PPP1R9B: variants seen among roughly 807,000 people sequenced by gnomAD.
The protein encoded by PPP1R9B is protein phosphatase 1 regulatory subunit 9B.
A neutral mutation model predicts 75.8 loss-of-function variants in PPP1R9B; 17 were observed. That is an observed-to-expected ratio of 0.22 (90% CI 0.15 to 0.34). The LOEUF (loss-of-function observed/expected upper bound fraction) is 0.34. Ranked by LOEUF, PPP1R9B falls within the 10% of genes least tolerant of loss-of-function variation. PPP1R9B has a pLI of 1.00. For missense variants in PPP1R9B, 875 were observed against 1,196.0 expected (o/e 0.73, Z 3.96); for synonymous variants, 509 against 535.4 (o/e 0.95, Z 0.68).
intron 1 of PPP1R9B, among the ~76,000 whole-genome samples, chr17:50,147,478 G>A (rs1439140968): frequency 1.3e-5 from 2 of 152,238 alleles, no homozygotes; most frequent in African/African-American, 2.4e-5. Flanking sequence ...CGCCACACAC[G>A]CTGGCTCTCA....
At chr17:50,145,304 T>TGAGGAGGCC (rs1163774925) in intron 1 of PPP1R9B, 59 bp from the exon 2 acceptor site, 10 of 1,604,590 alleles carry the variant, frequency 6.2e-6, no homozygotes, top group Non-Finnish European at 7.6e-6. Flanking sequence ...AGAACTGGCA[T>TGAGGAGGCC]GAGGAGGCCG....
intron 3 of PPP1R9B, 72 bp from the exon 4 acceptor site, chr17:50,141,445 C>A (rs934523470): frequency 2.1e-6 from 2 of 952,216 alleles, no homozygotes; most frequent in Non-Finnish European, 3.1e-6. Flanking sequence ...CTCCTCCCAT[C>A]AGAAACTCCA....
chr17:50,150,074 G>T lies in PPP1R9B; in HGVS notation c.440C>A (p.Thr147Lys). 1 of 1,437,844 alleles carries T rather than the reference G, an allele frequency of 7.0e-7. No individual in the cohort carries two copies. The highest frequency in any genetic ancestry group is 2.4e-4 in the Middle Eastern group (1 of 4,146). The allele number at this position is 1,437,844 out of a possible 1,614,324, so 89.1% of individuals were successfully genotyped here. Residue 147 changes from threonine to lysine, a missense_variant, in exon 1 of 10, where the codon ACG becomes AAG. Thr to Lys is a moderately conservative substitution (Grantham distance 78, BLOSUM62 -1). Around this residue, in one of 4 missense-constraint regions of PPP1R9B, gnomAD observed 449 missense variants for 475.0 expected, o/e 0.95. Coordinates refer to ENST00000612501, the MANE Select transcript of PPP1R9B (RefSeq NM_032595.5). This position sits in a 1 kb window ranked among gnomAD's most constrained non-coding sequence, Gnocchi z 8.7. The part of the protein sequence containing the change: ...PPHPPSRLQE[T>K]RKLFERSAPA... Reference sequence around the variant, plus strand: ...GGCGCTCCGTTCGAACAGCTTCCGCGTCTCCTGCAGCCGGGACGGCGGGTG... The same window carrying T: ...GGCGCTCCGTTCGAACAGCTTCCGCTTCTCCTGCAGCCGGGACGGCGGGTG...
At position 50,135,213 on chromosome 17, in the gene PPP1R9B, G is replaced by T. The variant is rs570470998; in HGVS notation, c.*118C>A. On this transcript the variant is annotated 3_prime_UTR_variant, in exon 10 of 10. Coordinates refer to ENST00000612501, the MANE Select transcript of PPP1R9B (RefSeq NM_032595.5). Reference sequence around the variant, plus strand: ...GCTGGGGGAGGTGGGGTGGAGGGGTGGGGGGAGTCGGGGCACCTGTCCCCA... The same window carrying T: ...GCTGGGGGAGGTGGGGTGGAGGGGTTGGGGGAGTCGGGGCACCTGTCCCCA... 10 of 746,644 alleles carry T rather than the reference G, an allele frequency of 1.3e-5. No individual in the cohort carries two copies. Among genetic ancestry groups the T allele is most frequent in the South Asian group, 1.2e-4 (7 of 59,874 alleles). 46.3% of individuals were successfully genotyped at this position (746,644 alleles called of 1,614,324 possible).
chr17:50,139,947 T>C lies in PPP1R9B; in HGVS notation c.1866+146A>G, dbSNP rs1912325479. The C allele has an allele frequency of 1.1e-6, 1 of 923,480 alleles. No individual in the cohort carries two copies. Among genetic ancestry groups the C allele is most frequent in the Admixed American group, 2.8e-5 (1 of 35,378 alleles). 57.2% of individuals were successfully genotyped at this position (923,480 alleles called of 1,614,324 possible). A position where few individuals can be genotyped will look rare whatever the true frequency, so the allele number is the denominator to read the frequency against. On this transcript the variant is annotated intron_variant, in intron 5 of 9. Transcript: ENST00000612501. The surrounding 1 kb of genome is among the most constrained non-coding windows in gnomAD (Gnocchi z 5.0). ...GACTGTGTATTCCTTGTCCGGCCTCTGAAGACAAAGAGTGTGACTGGAGGA... is the reference window on the plus strand; with the variant it reads ...GACTGTGTATTCCTTGTCCGGCCTCCGAAGACAAAGAGTGTGACTGGAGGA...
At chr17:50,143,827 G>T in intron 2 of PPP1R9B, 109 bp from the exon 3 acceptor site, 1 of 1,454,094 alleles carries the variant, frequency 6.9e-7, no homozygotes, top group Non-Finnish European at 9.5e-7. Context: ...GTCCCCATTA[G>T]GGGATGTCCC....
intron 2 of PPP1R9B, among the ~76,000 whole-genome samples, 179 bp from the exon 3 acceptor site, chr17:50,143,897 C>A (rs975409937): frequency 6.6e-6 from 1 of 152,232 alleles, no homozygotes; most frequent in East Asian, 1.9e-4. Flanking sequence ...TAGGATGGCT[C>A]CTGAGCCGCT....
In PPP1R9B at chr17:50,149,935, G is replaced by A. The variant is rs367543199; in HGVS notation, c.579C>T (p.Thr193=). 3 of 1,512,366 alleles carry A rather than the reference G, an allele frequency of 2.0e-6. No individual in the cohort carries two copies. Among genetic ancestry groups the A allele is most frequent in the Admixed American group, 4.1e-5 (2 of 48,866 alleles). 93.7% of individuals were successfully genotyped at this position (1,512,366 alleles called of 1,614,324 possible). ...CAGCGTCCAGCTTGTCCAGCGCCTC[G>A]GTGCTGCCGTTGAAGCGCACCACGA... ...LDVVVRFNGS[T]EALDKLDADA... is the part of the protein sequence containing the mutation. Residue 193 remains threonine, a synonymous_variant, in exon 1 of 10, where the codon ACC becomes ACT. Transcript: ENST00000612501. This position sits in a 1 kb window ranked among gnomAD's most constrained non-coding sequence, Gnocchi z 7.2.
rs1598247007 is a variant in PPP1R9B at position 50,141,466 on chromosome 17, C to CATATGTACTCCCA, written c.1626-94_1626-93insTGGGAGTACATAT. The stretch of plus-strand genomic sequence containing the variant: ...CCATCAGAAACTCCAGGCTCCCCAG[C>CATATGTACTCCCA]CTGAGTACATAGTGAGAACTCATCT... On this transcript the variant is annotated intron_variant, in intron 3 of 9. Coordinates refer to ENST00000612501, the MANE Select transcript of PPP1R9B (RefSeq NM_032595.5). The CATATGTACTCCCA allele has an allele frequency of 6.7e-6, 5 of 748,496 alleles. No homozygotes were observed. The East Asian group carries it at 1.4e-4, about 21-fold the overall frequency. The allele number at this position is 748,496 out of a possible 1,614,324, so 46.4% of individuals were successfully genotyped here. A position where few individuals can be genotyped will look rare whatever the true frequency, so the allele number is the denominator to read the frequency against.
chr17:50,143,330 C>T (rs946316428), intron 3 of PPP1R9B, among the ~76,000 whole-genome samples: 1 of 152,232 alleles, frequency 6.6e-6, no homozygotes, highest in African/African-American at 2.4e-5. Context: ...GGATGCACAA[C>T]ACACGCCTAT....
At position 50,142,780 on chromosome 17, in the gene PPP1R9B, C is replaced by A. The variant is rs964953771; in HGVS notation, c.1625+818G>T. On this transcript the variant is annotated intron_variant, in intron 3 of 9. Transcript: ENST00000612501. The surrounding 1 kb of genome is among the most constrained non-coding windows in gnomAD (Gnocchi z 4.1). Reference sequence around the variant, plus strand: ...CAGCTCCAGGATGCCCTCCCTGAACCTTCTGTCCCACAGAACTCACCCCTT... The same window carrying A: ...CAGCTCCAGGATGCCCTCCCTGAACATTCTGTCCCACAGAACTCACCCCTT... Among the ~76,000 whole-genome samples, 2 of 152,176 alleles carry A rather than the reference C, an allele frequency of 1.3e-5. No individual in the cohort carries two copies. The highest frequency in any genetic ancestry group is 3.8e-4 in the East Asian group (2 of 5,202).
chr17:50,135,346 A>T lies in PPP1R9B; in HGVS notation c.2439T>A (p.Asn813Lys). 1 of 1,613,478 alleles carries T rather than the reference A, an allele frequency of 6.2e-7. No homozygotes were observed. Among genetic ancestry groups the T allele is most frequent in the Non-Finnish European group, 8.5e-7 (1 of 1,179,568 alleles). ...ELEGNLQTLR[N>K]SNST is the part of the protein sequence containing the mutation. The stretch of plus-strand genomic sequence containing the variant: ...ATGATTCCTGTTAAGTAGAATTGGA[A>T]TTCCTCAGTGTTTGCAAGTTTCCTT... The change falls in exon 10 of 10, where the codon AAT becomes AAA. Residue 813 changes from asparagine (N) to lysine (K), a missense_variant. Coordinates refer to ENST00000612501, the MANE Select transcript of PPP1R9B (RefSeq NM_032595.5).
Position 50,150,637 on chromosome 17 carries a change from TCC to T in PPP1R9B, c.-126_-125del. The T allele has an allele frequency of 1.0e-6, 1 of 967,204 alleles. No individual in the cohort carries two copies. Among genetic ancestry groups the T allele is most frequent in the Non-Finnish European group, 1.3e-6 (1 of 772,752 alleles). 59.9% of individuals were successfully genotyped at this position (967,204 alleles called of 1,614,324 possible). On this transcript the variant is annotated 5_prime_UTR_variant, in exon 1 of 10. Transcript: ENST00000612501. The surrounding 1 kb of genome is among the most constrained non-coding windows in gnomAD (Gnocchi z 8.7). ...GAAACCCCGAAGGCCTTTTTTAGGGTCCCCCCAAAACCAAGCTGCCAAAAACA... is the reference window on the plus strand; with the variant it reads ...GAAACCCCGAAGGCCTTTTTTAGGGTCCCCAAAACCAAGCTGCCAAAAACA...
At chr17:50,138,405 G>C (rs945185992) in intron 7 of PPP1R9B, among the ~76,000 whole-genome samples, 1 of 152,114 alleles carries the variant, frequency 6.6e-6, no homozygotes, top group Non-Finnish European at 1.5e-5. Flanking sequence ...TTGTCTCTGT[G>C]ACTGTGTCTG....
rs1252262288 is a variant in PPP1R9B, at chr17:50,149,646, G to C, written c.868C>G (p.Pro290Ala). ...ATCTTGCGCACCTCCCGGGGCTTGG[G>C]GGGCGGCCGGGCAGGGGCCACTCGG... ...QHRVAPARPP[P>A]KPREVRKIKP... Residue 290 changes from proline to alanine, a missense_variant, in exon 1 of 10, where the codon CCC becomes GCC. Coordinates refer to ENST00000612501, the MANE Select transcript of PPP1R9B (RefSeq NM_032595.5). The surrounding 1 kb of genome is among the most constrained non-coding windows in gnomAD (Gnocchi z 7.2). 5 of 1,516,598 alleles carry C rather than the reference G, an allele frequency of 3.3e-6. No homozygotes were observed. In the African/African-American group the frequency reaches 5.6e-5, roughly 17 times the overall value. 93.9% of individuals were successfully genotyped at this position (1,516,598 alleles called of 1,614,324 possible).
rs530111058 is a variant in PPP1R9B, at chr17:50,138,864, T to A, written c.2073+399A>T. Among the ~76,000 whole-genome samples, 202 of 152,340 alleles carry A rather than the reference T, an allele frequency of 1.3e-3. 2 individuals carry two copies. Among genetic ancestry groups the A allele is most frequent in the African/African-American group, 4.7e-3 (196 of 41,584 alleles). On this transcript the variant is annotated intron_variant, in intron 7 of 9. Transcript: ENST00000612501. The stretch of plus-strand genomic sequence containing the variant: ...GGTCTCTAACTCCTGGCTGAAGCAG[T>A]CTGCCTTGGCCTCCCAAAGTGCTGA...
intron 1 of PPP1R9B, among the ~76,000 whole-genome samples, chr17:50,148,223 C>T (rs1912568601): frequency 1.3e-5 from 2 of 152,260 alleles, no homozygotes; most frequent in South Asian, 4.1e-4. Flanking sequence ...ACAAACCAAC[C>T]ACCAATAGTG....
chr17:50,140,345 G>A (rs953597280), intron 4 of PPP1R9B, 117 bp from the exon 5 acceptor site: 33 of 1,304,560 alleles, frequency 2.5e-5, no homozygotes, highest in Non-Finnish European at 3.4e-5. Context: ...GAGATGAGAG[G>A]GCTGAGTCCG....
Position 50,143,648 on chromosome 17 carries a change from A to G in PPP1R9B, c.1575T>C (p.Gly525=). 1 of 1,613,954 alleles carries G rather than the reference A, an allele frequency of 6.2e-7. No homozygotes were observed. Among genetic ancestry groups the G allele is most frequent in the Non-Finnish European group, 8.5e-7 (1 of 1,179,876 alleles). ...AGADMGLEKL[G]IFVKTVTEGG... is the part of the protein sequence containing the mutation. ...CCTCCGTCACGGTCTTGACGAAGAT[A>G]CCCAGCTTCTCCAGGCCCATGTCTG... Residue 525 remains glycine, a synonymous_variant, in exon 3 of 10, where the codon GGT becomes GGC. Transcript: ENST00000612501.
Sources: gnomAD v4.1 joint callset for allele counts (sites outside exome capture counted in the v4.1 genomes callset) on GRCh38, gnomAD v4.1.1 for gene constraint, gnomAD v4.1.1 regional missense constraint, Gnocchi (gnomAD v3.1) non-coding constraint, MANE v1.5 for transcripts, NCBI Gene and HGNC (gene_info 2026-07-23, HGNC 2026-07-21) for gene names.